Variants in ZNF268 observed in about 807,000 individuals in gnomAD.
ZNF268 encodes zinc finger protein 268.
In ZNF268, 20 loss-of-function variants were observed where a neutral mutation model predicts 29.3. That is an observed-to-expected ratio of 0.68 (90% confidence interval 0.48 to 0.99). The LOEUF (loss-of-function observed/expected upper bound fraction) is 0.99. Ranked by LOEUF, ZNF268 falls within the 50% of genes least tolerant of loss-of-function variation. The probability of loss-of-function intolerance (pLI) is 0.00; values close to 1 mark genes in which losing one functional copy is unlikely to be tolerated. For synonymous variants in ZNF268, 429 were observed against 376.9 expected, an observed-to-expected ratio of 1.14 and a Z score of -1.60; for missense variants, 1,240 against 1,121.6, an observed-to-expected ratio of 1.11 and a Z score of -1.51.
Position 133,210,951 on chromosome 12 carries a change from C to T in ZNF268, c.*6421C>T, listed in dbSNP as rs1352764194. ...CTGTTTTGTGATGGCCATGTGCCCC[C>T]TCTTGCAGTCCCAGTGAACCCCTGA... On this transcript the variant is annotated 3_prime_UTR_variant, in exon 6 of 6. Transcript: ENST00000536435. 2.2e-6 allele frequency: 1 copy of T among 456,036 alleles called. No individual in the cohort carries two copies. The allele number at this position is 456,036 out of a possible 1,614,324, so 28.2% of individuals were successfully genotyped here.
At position 133,203,030 on chromosome 12, in the gene ZNF268, TTG is replaced by T; in HGVS notation, c.1347_1348del (p.Cys449TrpfsTer30). On this transcript the variant is annotated frameshift_variant, in exon 6 of 6. Transcript: ENST00000536435. LOFTEE classifies it low-confidence loss of function (END_TRUNC). Reference sequence around the variant, plus strand: ...GGGAGAAACCTTATGTTTGTAGTGATTGTGGAAAAGCCTTTACATTCAAGTCA... The same window carrying T: ...GGGAGAAACCTTATGTTTGTAGTGATTGGAAAAGCCTTTACATTCAAGTCA... Reference protein sequence around the residue: ...TGEKPYVCSDCGKAFTFKSQL... With the variant: ...TGEKPYVCSDXGKAFTFKSQL... The T allele has an allele frequency of 3.2e-6, 5 of 1,542,956 alleles. No individual in the cohort carries two copies. Among genetic ancestry groups the T allele is most frequent in the Non-Finnish European group, 3.5e-6 (4 of 1,149,796 alleles).
rs1367769855 is a variant in ZNF268, at chr12:133,204,239, T to G, written c.2553T>G (p.Leu851=). 6.5e-7 allele frequency: 1 copy of G among 1,543,706 alleles called. No homozygotes were observed. Among genetic ancestry groups the G allele is most frequent in the Admixed American group, 2.0e-5 (1 of 51,130 alleles). The change falls in exon 6 of 6, where the codon CTT becomes CTG. Residue 851 remains leucine, a synonymous_variant. Transcript: ENST00000536435. ...AATCCTTCAGTGGGAAATTACGCCT[T>G]CTTGTACACCAGAGAATGCACACAA... ...CEKSFSGKLR[L]LVHQRMHTRE...
Position 133,202,568 on chromosome 12 carries a change from T to G in ZNF268, c.882T>G (p.His294Gln). 1 of 1,609,910 alleles carries G rather than the reference T, an allele frequency of 6.2e-7. No homozygotes were observed. The highest frequency in any genetic ancestry group is 8.5e-7 in the Non-Finnish European group (1 of 1,177,808). Residue 294 changes from histidine to glutamine, a missense_variant, in exon 6 of 6, where the codon CAT becomes CAG. His to Gln is a conservative substitution (Grantham distance 24). Around this residue, in one of 3 missense-constraint regions of ZNF268, gnomAD observed 1,177 missense variants for 1,039.6 expected, o/e 1.13. Transcript: ENST00000536435. ...GCAGCAAGTCATACCTTCTAGTGCA[T>G]CAGCAAACTCATGCCGAAGAGAAAC... The part of the protein sequence containing the change: ...AFSSKSYLLV[H>Q]QQTHAEEKPY...
At chr12:133,199,608 A>G (rs1329128932) in intron 5 of ZNF268, among the ~76,000 whole-genome samples, 1 of 151,780 alleles carries the variant, frequency 6.6e-6, no homozygotes, top group Non-Finnish European at 1.5e-5. Flanking sequence ...TTCAGAAGGA[A>G]TAGTACCAGT....
intron 2 of ZNF268, 43 bp from the exon 3 acceptor site, chr12:133,187,829 G>A: frequency 6.5e-7 from 1 of 1,539,060 alleles, no homozygotes; most frequent in Non-Finnish European, 8.8e-7. Context: ...TTTCCCCAAA[G>A]GAAATAATGC....
Position 133,213,715 on chromosome 12 carries a change from AAAG to A in ZNF268, c.*9186_*9188del, listed in dbSNP as rs1957018996. The A allele has an allele frequency of 6.6e-6, 1 of 151,466 alleles. No homozygotes were observed. Among genetic ancestry groups the A allele is most frequent in the South Asian group, 2.1e-4 (1 of 4,786 alleles). 9.4% of individuals were successfully genotyped at this position (151,466 alleles called of 1,614,324 possible). The stretch of plus-strand genomic sequence containing the variant: ...CAAAATTCCATCTCAAAAAAAAAAA[AAAG>A]GCCGGGTGTGGTGGCTCACGCCTGT... On this transcript the variant is annotated 3_prime_UTR_variant, in exon 6 of 6. Transcript: ENST00000536435.
chr12:133,192,107 C>CTTT (rs200581552), intron 5 of ZNF268, 104 bp downstream of exon 5: 781 of 531,902 alleles, frequency 1.5e-3, no homozygotes, highest in East Asian at 1.7e-3. Flanking sequence ...TTACCATGCA[C>CTTT]TTTTTTTTTT....
At chr12:133,190,463 TG>T (rs1442502073) in intron 3 of ZNF268, among the ~76,000 whole-genome samples, 7 of 152,306 alleles carry the variant, frequency 4.6e-5, no homozygotes, top group Middle Eastern at 3.4e-3. Context: ...CAGCATTTGG[TG>T]GTCAGTTTTT....
chr12:133,182,980 G>A (rs539307042), intron 2 of ZNF268, among the ~76,000 whole-genome samples: 49 of 152,294 alleles, frequency 3.2e-4, no homozygotes, highest in African/African-American at 1.1e-3. Flanking sequence ...GGAGGCGAGT[G>A]GCGGTTTAGT....
At position 133,210,231 on chromosome 12, in the gene ZNF268, G is replaced by C. The variant is rs1956957743; in HGVS notation, c.*5701G>C. ...GGAAAGTGCACTGGTCGTCACTGTG[G>C]GTGTACCCTACAGGAGTCTTCAGAT... On this transcript the variant is annotated 3_prime_UTR_variant, in exon 6 of 6. Coordinates refer to ENST00000536435, the MANE Select transcript of ZNF268 (RefSeq NM_003415.3). 2.0e-5 allele frequency: 3 copies of C among 152,778 alleles called. No individual in the cohort carries two copies. Among genetic ancestry groups the C allele is most frequent in the Admixed American group, 6.5e-5 (1 of 15,360 alleles). 9.5% of individuals were successfully genotyped at this position (152,778 alleles called of 1,614,324 possible).
In ZNF268 at chr12:133,191,568, T is replaced by G; in HGVS notation, c.314T>G (p.Leu105Arg). 6.2e-7 allele frequency: 1 copy of G among 1,614,084 alleles called. No homozygotes were observed. Residue 105 changes from leucine (L) to arginine (R), a missense_variant, in exon 4 of 6, where the codon CTG becomes CGG. Physicochemically the swap from Leu to Arg is moderately radical, Grantham distance 102. Coordinates refer to ENST00000536435, the MANE Select transcript of ZNF268 (RefSeq NM_003415.3). ...CTGCTAGACCCAGCACAGAAGTGCCTGTACAGGAGTGTGATGTTGGAGAAC... is the reference window on the plus strand; with the variant it reads ...CTGCTAGACCCAGCACAGAAGTGCCGGTACAGGAGTGTGATGTTGGAGAAC... ...WQLLDPAQKC[L>R]YRSVMLENYS...
intron 5 of ZNF268, among the ~76,000 whole-genome samples, chr12:133,192,676 A>AT (rs1365998815): frequency 8.6e-4 from 127 of 147,446 alleles, no homozygotes; most frequent in Non-Finnish European, 1.4e-3. Context: ...ATGCTAATGG[A>AT]TTTTTTTTTT....
Position 133,203,271 on chromosome 12 carries a change from G to GA in ZNF268, c.1587dup (p.Cys530MetfsTer11), listed in dbSNP as rs750298896. The GA allele has an allele frequency of 6.5e-7, 1 of 1,538,660 alleles. No individual in the cohort carries two copies. Among genetic ancestry groups the GA allele is most frequent in the Middle Eastern group, 1.7e-4 (1 of 6,016 alleles). On this transcript the variant is annotated frameshift_variant, in exon 6 of 6. Transcript: ENST00000536435. LOFTEE classifies it low-confidence loss of function (END_TRUNC). The stretch of plus-strand genomic sequence containing the variant: ...GACTCATACAGGAGAAAAACTCCAT[G>GA]AATGCAACAATTGTGGGAAAGCCTT...
intron 5 of ZNF268, among the ~76,000 whole-genome samples, chr12:133,200,739 G>A (rs953974357): frequency 1.1e-4 from 17 of 151,904 alleles, no homozygotes; most frequent in Admixed American, 6.6e-5. Context: ...ACCCTGTGCC[G>A]ATTCTTTTCC....
At position 133,203,419 on chromosome 12, in the gene ZNF268, AT is replaced by A; in HGVS notation, c.1734del (p.His578GlnfsTer18). ...KYQLISHQRTHAGEKPYECTD... is the reference protein window; with the variant it reads ...KYQLISHQRTXAGEKPYECTD... ...CAGCTTATTTCACACCAGAGAACTC[AT>A]GCAGGAGAGAAGCCTTATGAATGCA... On this transcript the variant is annotated frameshift_variant, in exon 6 of 6. Coordinates refer to ENST00000536435, the MANE Select transcript of ZNF268 (RefSeq NM_003415.3). LOFTEE classifies it low-confidence loss of function (END_TRUNC). 6.5e-7 allele frequency: 1 copy of A among 1,542,386 alleles called. No homozygotes were observed. Among genetic ancestry groups the A allele is most frequent in the Non-Finnish European group, 8.7e-7 (1 of 1,147,634 alleles).
chr12:133,185,445 CA>C (rs1956287283), intron 2 of ZNF268, among the ~76,000 whole-genome samples: 1 of 151,758 alleles, frequency 6.6e-6, no homozygotes, highest in Non-Finnish European at 1.5e-5. Flanking sequence ...AGCAGATGAA[CA>C]CAGGTGCAGA....
chr12:133,191,634 A>C lies in ZNF268; in HGVS notation c.361+19A>C. On this transcript the variant is annotated intron_variant, in intron 4 of 5. Transcript: ENST00000536435. ...TCCCTAGGTAAGTGCTGCCTCCCTGAGGAGGAGTGTGCTCGATCTCCAGGC... is the reference window on the plus strand; with the variant it reads ...TCCCTAGGTAAGTGCTGCCTCCCTGCGGAGGAGTGTGCTCGATCTCCAGGC... The C allele has an allele frequency of 6.2e-7, 1 of 1,612,408 alleles. No individual in the cohort carries two copies.
chr12:133,184,731 C>A, intron 2 of ZNF268: 1 of 450,388 alleles, frequency 2.2e-6, no homozygotes. Context: ...GTTCTCTTGC[C>A]TCAGCCTCCT....
chr12:133,185,639 G>A (rs72488134), intron 2 of ZNF268, among the ~76,000 whole-genome samples: 33,862 of 151,508 alleles, frequency 0.22, 4,611 homozygotes, highest in Non-Finnish European at 0.3. Flanking sequence ...AGTGTGTGGC[G>A]CTAAGACAGG....
Sources: gnomAD v4.1 joint callset for allele counts (sites outside exome capture counted in the v4.1 genomes callset) on GRCh38, gnomAD v4.1.1 for gene constraint, gnomAD v4.1.1 regional missense constraint, MANE v1.5 for transcripts, NCBI Gene and HGNC (gene_info 2026-07-23, HGNC 2026-07-21) for gene names.